ADRB3: variants seen among roughly 807,000 people sequenced by gnomAD.
The protein encoded by ADRB3 is adrenoceptor beta 3, also known as beta-3 adrenergic receptor.
Under a neutral mutation model 23.8 loss-of-function variants are expected in ADRB3, and 33 were observed. That is an observed-to-expected ratio of 1.38 (90% confidence interval 1.05 to 1.85). The LOEUF is 1.85. Ranked by LOEUF, ADRB3 falls within the 40% of genes most tolerant of loss-of-function variation. The pLI is 0.00. For missense variants in ADRB3, 600 were observed against 579.6 expected (o/e 1.04, Z -0.36); for synonymous variants, 289 against 273.0 (o/e 1.06, Z -0.58).
intron 1 of ADRB3, chr8:37,965,027 G>A (rs984400681): frequency 3.4e-5 from 16 of 471,190 alleles, no homozygotes; most frequent in Non-Finnish European, 5.8e-5. Flanking sequence ...GCGCACCTTG[G>A]GTCCTTGGGT....
Position 37,965,476 on chromosome 8 carries a change from T to G in ADRB3, c.994A>C (p.Asn332His). 6.4e-7 allele frequency: 1 copy of G among 1,552,128 alleles called. No homozygotes were observed. Among genetic ancestry groups the G allele is most frequent in the Non-Finnish European group, 8.7e-7 (1 of 1,147,434 alleles). The change falls in exon 1 of 2, where the codon AAC (asparagine) becomes CAC (histidine). Residue 332 changes from asparagine (N) to histidine (H), a missense_variant. Asn to His is a moderately conservative substitution (Grantham distance 68). Transcript: ENST00000345060. The stretch of plus-strand genomic sequence containing the variant: ...GCAGAATTGGCATAACCTAGCCAGT[T>G]CAGGGCAAGGAAAGCCGGGCCCGGG... ...LVPGPAFLAL[N>H]WLGYANSAFN... is the part of the protein sequence containing the mutation.
chr8:37,965,750 C>T lies in ADRB3; in HGVS notation c.720G>A (p.Gly240=), dbSNP rs13251125. 4.5e-6 allele frequency: 7 copies of T among 1,550,712 alleles called. No homozygotes were observed. In the Admixed American group the frequency reaches 5.9e-5, roughly 13 times the overall value. ...CCTCGGGCGGAAAGCGGCCCAGCTC[C>T]CCGCGCAGCAAGCGCAGCTGGCGCG... The part of the protein sequence containing the change: ...VATRQLRLLR[G]ELGRFPPEES... The change falls in exon 1 of 2, where the codon GGG becomes GGA. Residue 240 remains glycine, a synonymous_variant. Coordinates refer to ENST00000345060, the MANE Select transcript of ADRB3 (RefSeq NM_000025.3).
In ADRB3 at chr8:37,966,539, G is replaced by T; in HGVS notation, c.-70C>A. On this transcript the variant is annotated 5_prime_UTR_variant, in exon 1 of 2. Coordinates refer to ENST00000345060, the MANE Select transcript of ADRB3 (RefSeq NM_000025.3). ...GTCTCCCAAATCACCTGGCTCAGGGGAGGGGACAGCAAGGCATGAGAGCGA... is the reference window on the plus strand; with the variant it reads ...GTCTCCCAAATCACCTGGCTCAGGGTAGGGGACAGCAAGGCATGAGAGCGA... 2 of 1,512,982 alleles carry T rather than the reference G, an allele frequency of 1.3e-6. No individual in the cohort carries two copies. The highest frequency in any genetic ancestry group is 2.5e-5 in the East Asian group (1 of 40,814). 93.7% of individuals were successfully genotyped at this position (1,512,982 alleles called of 1,614,324 possible).
rs1040270734 is a variant in ADRB3 at position 37,965,573 on chromosome 8, G to T, written c.897C>A (p.Gly299=). Residue 299 remains glycine, a synonymous_variant, in exon 1 of 2, where the codon GGC becomes GGA. Transcript: ENST00000345060. The part of the protein sequence containing the change: ...RALCTLGLIM[G]TFTLCWLPFF... ...AGGGCAACCAGCAGAGAGTGAAGGT[G>T]CCCATGATGAGACCCAAGGTGCACA... The T allele has an allele frequency of 6.5e-7, 1 of 1,550,074 alleles. No homozygotes were observed. Among genetic ancestry groups the T allele is most frequent in the South Asian group, 1.2e-5 (1 of 84,054 alleles).
intron 1 of ADRB3, chr8:37,964,977 C>A (rs1200053966): frequency 1.0e-5 from 4 of 388,200 alleles, no homozygotes; most frequent in African/African-American, 4.2e-5. Context: ...GCCGACCAGG[C>A]GAGGCGAGAG....
intron 1 of ADRB3, 140 bp downstream of exon 1, chr8:37,965,125 G>T: frequency 2.2e-6 from 2 of 904,624 alleles, no homozygotes; most frequent in Admixed American, 3.7e-5. Flanking sequence ...ATTTTGGTTC[G>T]CTACTCCTCG....
Position 37,965,650 on chromosome 8 carries a change from C to T in ADRB3, c.820G>A (p.Ala274Thr). Reference sequence around the variant, plus strand: ...AGGCGCGCGGGCCGCCGGCCGCAGGCGGGCACCCCTTCGGGCGGAGCGCAC... The same window carrying T: ...AGGCGCGCGGGCCGCCGGCCGCAGGTGGGCACCCCTTCGGGCGGAGCGCAC... ...GTCAPPEGVP[A>T]CGRRPARLLP... The change falls in exon 1 of 2, where the codon GCC becomes ACC. Residue 274 changes from alanine (A) to threonine (T), a missense_variant. By Grantham distance (58) the Ala-to-Thr change is moderately conservative (BLOSUM62 0). Transcript: ENST00000345060. The T allele has an allele frequency of 6.5e-7, 1 of 1,533,672 alleles. No homozygotes were observed. The highest frequency in any genetic ancestry group is 8.8e-7 in the Non-Finnish European group (1 of 1,140,784).
At chr8:37,964,351 G>T (rs760787967) in intron 1 of ADRB3, 112 bp from the exon 2 acceptor site, 65 of 940,362 alleles carry the variant, frequency 6.9e-5, no homozygotes, top group Admixed American at 1.3e-4. Flanking sequence ...ACACAAAAAC[G>T]CCAGGGCACC....
rs533964715 is a variant in ADRB3, at chr8:37,965,350, C to A, written c.1120G>T (p.Ala374Ser). 101 of 1,542,400 alleles carry A rather than the reference C, an allele frequency of 6.5e-5. No homozygotes were observed. In the African/African-American group the frequency reaches 1.1e-3, roughly 18 times the overall value. Reference protein sequence around the residue: ...GRRLPPEPCAAARPALFPSGV... With the variant: ...GRRLPPEPCASARPALFPSGV... ...GAGGGGAAGAGGGCCGGGCGGGCGGCGGCGCAGGGCTCCGGAGGCAGGCGA... is the reference window on the plus strand; with the variant it reads ...GAGGGGAAGAGGGCCGGGCGGGCGGAGGCGCAGGGCTCCGGAGGCAGGCGA... The change falls in exon 1 of 2, where the codon GCC (alanine) becomes TCC (serine). Residue 374 changes from alanine to serine, a missense_variant. Ala to Ser is a moderately conservative substitution (Grantham distance 99). Transcript: ENST00000345060.
Position 37,964,063 on chromosome 8 carries a change from G to T in ADRB3, c.*155C>A. 1.6e-6 allele frequency: 1 copy of T among 631,636 alleles called. No individual in the cohort carries two copies. Among genetic ancestry groups the T allele is most frequent in the Non-Finnish European group, 2.8e-6 (1 of 355,334 alleles). 39.1% of individuals were successfully genotyped at this position (631,636 alleles called of 1,614,324 possible). A position where few individuals can be genotyped will look rare whatever the true frequency, so the allele number is the denominator to read the frequency against. On this transcript the variant is annotated 3_prime_UTR_variant, in exon 2 of 2. Coordinates refer to ENST00000345060, the MANE Select transcript of ADRB3 (RefSeq NM_000025.3). ...GCAAGAGGATGGTGAAAACCCACTT[G>T]GTAAGGATCCCTCCTTGGGTCACAT...
chr8:37,963,606 A>G lies in ADRB3; in HGVS notation c.*612T>C, dbSNP rs1189440812. 1 of 152,618 alleles carries G rather than the reference A, an allele frequency of 6.6e-6. No homozygotes were observed. The highest frequency in any genetic ancestry group is 1.5e-5 in the Non-Finnish European group (1 of 68,054). 9.5% of individuals were successfully genotyped at this position (152,618 alleles called of 1,614,324 possible). ...ATTTATTTATCTGATTGCAAAAGGA[A>G]AAGAAGGGATCTGTTCTAATGGTTC... is the stretch of plus-strand genomic sequence containing the variant. On this transcript the variant is annotated 3_prime_UTR_variant, in exon 2 of 2. Coordinates refer to ENST00000345060, the MANE Select transcript of ADRB3 (RefSeq NM_000025.3).
rs200514376 is a variant in ADRB3, at chr8:37,966,369, G to C, written c.101C>G (p.Pro34Arg). 1.9e-6 allele frequency: 3 copies of C among 1,611,078 alleles called. No individual in the cohort carries two copies. The highest frequency in any genetic ancestry group is 1.7e-6 in the Non-Finnish European group (2 of 1,178,974). ...TANTSGLPGV[P>R]WEAALAGALL... is the part of the protein sequence containing the mutation. ...GGCCCCGGCTAGGGCCGCCTCCCAC[G>C]GAACCCCTGGCAGCCCACTGGTGTT... The change falls in exon 1 of 2, where the codon CCG becomes CGG. Residue 34 changes from proline to arginine, a missense_variant. By Grantham distance (103) the Pro-to-Arg change is moderately radical. Transcript: ENST00000345060.
At chr8:37,964,681 TA>T (rs1421113731) in intron 1 of ADRB3, among the ~76,000 whole-genome samples, 2 of 152,134 alleles carry the variant, frequency 1.3e-5, no homozygotes, top group East Asian at 3.9e-4. Context: ...CCTGTAATCC[TA>T]ATGCTTTGGA....
At position 37,963,157 on chromosome 8, in the gene ADRB3, ACACACACACACACACACACACG is replaced by A. The variant is rs1808231845; in HGVS notation, c.*1039_*1060del. On this transcript the variant is annotated 3_prime_UTR_variant, in exon 2 of 2. Coordinates refer to ENST00000345060, the MANE Select transcript of ADRB3 (RefSeq NM_000025.3). ...CAATGCTTTGTGCCTGTGCCTCCAG[ACACACACACACACACACACACG>A]CACACACACACACACACACCATGTA... 2 of 143,530 alleles carry A rather than the reference ACACACACACACACACACACACG, an allele frequency of 1.4e-5. No individual in the cohort carries two copies. Among genetic ancestry groups the A allele is most frequent in the Non-Finnish European group, 3.1e-5 (2 of 64,352 alleles). 8.9% of individuals were successfully genotyped at this position (143,530 alleles called of 1,614,324 possible). A position where few individuals can be genotyped will look rare whatever the true frequency, so the allele number is the denominator to read the frequency against.
chr8:37,965,923 C>T lies in ADRB3; in HGVS notation c.547G>A (p.Asp183Asn), dbSNP rs1264017922. ...GAGTGGCAGCGCTGCGCCTCGGCGTCGGCCCCTACGCGCCACCACTGGCTC... is the reference window on the plus strand; with the variant it reads ...GAGTGGCAGCGCTGCGCCTCGGCGTTGGCCCCTACGCGCCACCACTGGCTC... ...IMSQWWRVGADAEAQRCHSNP... is the reference protein window; with the variant it reads ...IMSQWWRVGANAEAQRCHSNP... Residue 183 changes from aspartate to asparagine, a missense_variant, in exon 1 of 2, where the codon GAC becomes AAC. By Grantham distance (23) the Asp-to-Asn change is conservative. Transcript: ENST00000345060. 1.1e-5 allele frequency: 17 copies of T among 1,552,242 alleles called. No homozygotes were observed. Among genetic ancestry groups the T allele is most frequent in the South Asian group, 3.6e-5 (3 of 84,104 alleles).
chr8:37,964,425 C>T (rs1220239583), intron 1 of ADRB3, among the ~76,000 whole-genome samples, 186 bp from the exon 2 acceptor site: 3 of 152,036 alleles, frequency 2.0e-5, no homozygotes, highest in African/African-American at 7.2e-5. Flanking sequence ...GGAGGGCACA[C>T]ATCTGCACTC....
rs965476467 is a variant in ADRB3 at position 37,966,471 on chromosome 8, C to T, written c.-2G>A. 1 of 1,587,770 alleles carries T rather than the reference C, an allele frequency of 6.3e-7. No homozygotes were observed. The highest frequency in any genetic ancestry group is 1.8e-5 in the Admixed American group (1 of 56,100). ...GTTCTCGTGAGGCCACGGAGCCATC[C>T]CCGGGTCGCGCGTGGGGCGGTAGGG... is the stretch of plus-strand genomic sequence containing the variant. On this transcript the variant is annotated 5_prime_UTR_variant, in exon 1 of 2. Transcript: ENST00000345060.
rs757009547 is a variant in ADRB3 at position 37,966,263 on chromosome 8, C to T, written c.207G>A (p.Gln69=). 7.4e-6 allele frequency: 12 copies of T among 1,613,750 alleles called. No homozygotes were observed. The South Asian group carries it at 1.1e-4, about 15-fold the overall frequency. Residue 69 remains glutamine, a synonymous_variant, in exon 1 of 2, where the codon CAG becomes CAA. Transcript: ENST00000345060. ...AAGTCACGAACACGTTGGTCATGGT[C>T]TGGAGTCTCGGAGTCCAGGCGATGG... ...IVAIAWTPRL[Q]TMTNVFVTSL... is the part of the protein sequence containing the mutation.
chr8:37,963,964 G>T lies in ADRB3; in HGVS notation c.*254C>A. On this transcript the variant is annotated 3_prime_UTR_variant, in exon 2 of 2. Transcript: ENST00000345060. ...TACCAAAGCCAGCCTGCTGCTCCAC[G>T]GCACCTGGACACTACCACTGAGGGA... The T allele has an allele frequency of 2.3e-6, 1 of 442,214 alleles. No individual in the cohort carries two copies. The highest frequency in any genetic ancestry group is 4.2e-5 in the East Asian group (1 of 23,998). 27.4% of individuals were successfully genotyped at this position (442,214 alleles called of 1,614,324 possible).
Sources: allele counts gnomAD v4.1 joint callset (sites outside exome capture counted in the v4.1 genomes callset), GRCh38; gene constraint gnomAD v4.1.1; transcripts MANE v1.5; gene names NCBI Gene and HGNC (gene_info 2026-07-23, HGNC 2026-07-21).